Variants in ZRANB3 observed in about 807,000 individuals in gnomAD.
ZRANB3 encodes zinc finger RANBP2-type containing 3.
A neutral mutation model predicts 133.8 loss-of-function variants in ZRANB3; 125 were observed. The observed-to-expected ratio is 0.93, with a 90% CI of 0.81 to 1.08. ZRANB3 has a LOEUF of 1.08. Among genes scored for constraint, ZRANB3 ranks in the 50% least tolerant of loss-of-function variants. The pLI, the probability that ZRANB3 is intolerant of heterozygous loss-of-function variation, is 0.00. For missense variants in ZRANB3, 1,229 were observed against 1,275.5 expected, an observed-to-expected ratio of 0.96 and a Z score of 0.56; for synonymous variants, 387 against 432.7, an observed-to-expected ratio of 0.89 and a Z score of 1.31.
At chr2:135,303,064 A>T (rs941373673) in intron 8 of ZRANB3, among the ~76,000 whole-genome samples, 4 of 152,214 alleles carry the variant, frequency 2.6e-5, no homozygotes, top group Non-Finnish European at 4.4e-5. Flanking sequence ...ATGAACACTG[A>T]TCTAACAAAA....
chr2:135,323,606 T>C (rs1683647977), intron 6 of ZRANB3, among the ~76,000 whole-genome samples: 2 of 152,136 alleles, frequency 1.3e-5, no homozygotes, highest in South Asian at 2.1e-4. Flanking sequence ...TACAAAGTAA[T>C]TGGAGATCAT....
intron 2 of ZRANB3, among the ~76,000 whole-genome samples, chr2:135,452,546 T>C (rs1469016568): frequency 1.3e-5 from 2 of 152,218 alleles, no homozygotes; most frequent in Non-Finnish European, 2.9e-5. Flanking sequence ...AGTTACGTCC[T>C]GGATACAATG....
intron 2 of ZRANB3, among the ~76,000 whole-genome samples, chr2:135,491,242 G>A (rs1255160292): frequency 6.6e-6 from 1 of 152,090 alleles, no homozygotes; most frequent in African/African-American, 2.4e-5. Flanking sequence ...GAGAACATAA[G>A]TTATAGATAA....
chr2:135,239,964 T>C (rs965850151), intron 12 of ZRANB3, among the ~76,000 whole-genome samples: 4 of 147,804 alleles, frequency 2.7e-5, no homozygotes, highest in African/African-American at 1.0e-4. Flanking sequence ...GCCTGGGCAA[T>C]GGAGCAAGAC....
At chr2:135,468,589 T>C (rs1279829175) in intron 2 of ZRANB3, among the ~76,000 whole-genome samples, 1 of 152,216 alleles carries the variant, frequency 6.6e-6, no homozygotes, top group East Asian at 1.9e-4. Context: ...CTGTGGCCAA[T>C]ATATAGCCAC....
At chr2:135,233,884 A>C (rs1695157733) in intron 12 of ZRANB3, among the ~76,000 whole-genome samples, 1 of 152,222 alleles carries the variant, frequency 6.6e-6, no homozygotes, top group Admixed American at 6.5e-5. Flanking sequence ...AACTGCATCA[A>C]CTAACGAGCA....
At chr2:135,417,974 C>T (rs574705564) in intron 2 of ZRANB3, among the ~76,000 whole-genome samples, 9 of 151,662 alleles carry the variant, frequency 5.9e-5, no homozygotes, top group Non-Finnish European at 7.4e-5. Flanking sequence ...GTGGGGGAAG[C>T]GGGGAGGGAT....
intron 2 of ZRANB3, among the ~76,000 whole-genome samples, chr2:135,493,912 T>A (rs561589072): frequency 6.6e-6 from 1 of 152,260 alleles, no homozygotes; most frequent in South Asian, 2.1e-4. Flanking sequence ...TTGTGACATA[T>A]TCAGAGGTAA....
At chr2:135,370,890 G>A (rs559257792) in intron 3 of ZRANB3, among the ~76,000 whole-genome samples, 1 of 152,188 alleles carries the variant, frequency 6.6e-6, no homozygotes, top group Non-Finnish European at 1.5e-5. Flanking sequence ...GATAATGAGT[G>A]AATCTCATGA....
chr2:135,325,091 T>A (rs1683744670), intron 6 of ZRANB3, among the ~76,000 whole-genome samples: 2 of 152,198 alleles, frequency 1.3e-5, no homozygotes, highest in Admixed American at 1.3e-4. Flanking sequence ...AATCTACAGA[T>A]TCAATGCAAT....
intron 1 of ZRANB3, among the ~76,000 whole-genome samples, chr2:135,516,680 C>T (rs1363955508): frequency 1.3e-5 from 2 of 152,146 alleles, no homozygotes; most frequent in Admixed American, 1.3e-4. Context: ...GGTAACCCAG[C>T]CTTTCTCTCT....
chr2:135,329,357 T>C (rs777191641), intron 6 of ZRANB3, among the ~76,000 whole-genome samples: 2 of 152,168 alleles, frequency 1.3e-5, no homozygotes, highest in Non-Finnish European at 2.9e-5. Flanking sequence ...TTGTCAAAGA[T>C]CAGATGGTTG....
At chr2:135,244,639 A>T (rs929087915) in intron 12 of ZRANB3, among the ~76,000 whole-genome samples, 17 of 151,954 alleles carry the variant, frequency 1.1e-4, no homozygotes, top group African/African-American at 4.1e-4. Context: ...AAATAAATAA[A>T]CAAACAAAAC....
chr2:135,227,788 G>A, intron 14 of ZRANB3, 24 bp downstream of exon 14: 1 of 1,553,356 alleles, frequency 6.4e-7, no homozygotes, highest in Non-Finnish European at 8.7e-7. Flanking sequence ...TTACTTGGAT[G>A]CTAGAAATGG....
intron 2 of ZRANB3, among the ~76,000 whole-genome samples, chr2:135,498,282 C>T (rs1017018569): frequency 2.8e-4 from 43 of 152,158 alleles, no homozygotes; most frequent in Middle Eastern, 6.8e-3. Context: ...GAAGCCATGG[C>T]AGAAGAACAT....
chr2:135,372,638 T>A (rs1317641698), intron 3 of ZRANB3, among the ~76,000 whole-genome samples: 3 of 151,348 alleles, frequency 2.0e-5, no homozygotes, highest in African/African-American at 4.9e-5. Context: ...TACAAAAAAA[T>A]TTGTTGGGCG....
chr2:135,441,761 GTAT>G (rs1689790282), intron 2 of ZRANB3, among the ~76,000 whole-genome samples: 1 of 151,998 alleles, frequency 6.6e-6, no homozygotes, highest in African/African-American at 2.4e-5. Flanking sequence ...TTAAAAATAT[GTAT>G]TATAATTCCT....
At chr2:135,243,076 T>C (rs754489727) in intron 12 of ZRANB3, among the ~76,000 whole-genome samples, 2 of 152,242 alleles carry the variant, frequency 1.3e-5, no homozygotes, top group Non-Finnish European at 2.9e-5. Context: ...GCTAAAATGC[T>C]ATCAGGAGTT....
chr2:135,511,363 G>T, intron 1 of ZRANB3: 5 of 809,480 alleles, frequency 6.2e-6, no homozygotes, highest in Non-Finnish European at 1.1e-5. Flanking sequence ...TCAGGCTCCA[G>T]TTCAGCAACT....
Sources: allele counts gnomAD v4.1 joint callset (sites outside exome capture counted in the v4.1 genomes callset), GRCh38; gene constraint gnomAD v4.1.1; transcripts MANE v1.5; gene names NCBI Gene and HGNC (gene_info 2026-07-23, HGNC 2026-07-21).